SPTB: variants seen among roughly 807,000 people sequenced by gnomAD.
SPTB encodes spectrin beta chain, erythrocytic.
A neutral mutation model predicts 256.2 loss-of-function variants in SPTB; 45 were observed. The ratio of observed to expected loss-of-function variants is 0.18; its 90% CI spans 0.14 to 0.23. The LOEUF (loss-of-function observed/expected upper bound fraction) is 0.23, where lower values mean the gene tolerates loss of function less well. Ranked by LOEUF, SPTB falls within the 10% of genes least tolerant of loss-of-function variation. The pLI is 1.00. For synonymous variants in SPTB, 1,231 were observed against 1,243.1 expected (o/e 0.99, Z 0.21); for missense variants, 2,715 against 3,040.4 (o/e 0.89, Z 2.52).
At chr14:64,791,946 C>T in intron 14 of SPTB, 90 bp from the exon 15 acceptor site, 2 of 1,545,646 alleles carry the variant, frequency 1.3e-6, no homozygotes, top group South Asian at 1.2e-5. Flanking sequence ...GAACATGTAG[C>T]TCTTGCTTTC....
intron 1 of SPTB, among the ~76,000 whole-genome samples, chr14:64,876,175 TTTA>T (rs1882814996): frequency 6.6e-6 from 1 of 152,180 alleles, no homozygotes; most frequent in African/African-American, 2.4e-5. Flanking sequence ...ACAATCTCAC[TTTA>T]TTGTCCAGGC....
intron 1 of SPTB, among the ~76,000 whole-genome samples, chr14:64,876,337 G>T (rs1330810129): frequency 6.6e-6 from 1 of 151,996 alleles, no homozygotes; most frequent in Non-Finnish European, 1.5e-5. Context: ...AGATAGGTTT[G>T]GCCAGGCTGG....
intron 1 of SPTB, among the ~76,000 whole-genome samples, chr14:64,843,405 A>C (rs1393131887): frequency 6.6e-6 from 1 of 152,124 alleles, no homozygotes; most frequent in Non-Finnish European, 1.5e-5. Flanking sequence ...TCCCTCCATA[A>C]AAAGGGGAAA....
At chr14:64,769,517 CCA>C (rs2082245857) in intron 28 of SPTB, 71 bp downstream of exon 28, 3 of 1,593,250 alleles carry the variant, frequency 1.9e-6, no homozygotes, top group Non-Finnish European at 1.7e-6. Context: ...CATCTCCCTC[CCA>C]GGAGGCTGCC....
chr14:64,811,255 T>A (rs752618727), intron 2 of SPTB, among the ~76,000 whole-genome samples: 1 of 152,254 alleles, frequency 6.6e-6, no homozygotes, highest in Non-Finnish European at 1.5e-5. Flanking sequence ...AGACCAGTAA[T>A]GTGAACAAAG....
intron 2 of SPTB, among the ~76,000 whole-genome samples, chr14:64,811,065 A>G (rs2083079536): frequency 6.6e-6 from 1 of 152,160 alleles, no homozygotes; most frequent in Non-Finnish European, 1.5e-5. Context: ...GTGAGCTATG[A>G]TTGTGCCACC....
rs2082980277 is a variant in SPTB, at chr14:64,806,185, T to C, written c.149-1095A>G. On this transcript the variant is annotated intron_variant, in intron 2 of 35. Coordinates refer to ENST00000644917, the MANE Select transcript of SPTB (RefSeq NM_001355436.2). This position sits in a 1 kb window ranked among gnomAD's most constrained non-coding sequence, Gnocchi z 4.1. The stretch of plus-strand genomic sequence containing the variant: ...GGGGAGAAGGAGAAAAAAAGAAAAG[T>C]AGCAGAAAAGAAGAAAAACAAATAA... Among the ~76,000 whole-genome samples, 1 of 151,604 alleles carries C rather than the reference T, an allele frequency of 6.6e-6. No homozygotes were observed. The highest frequency in any genetic ancestry group is 1.5e-5 in the Non-Finnish European group (1 of 67,942).
chr14:64,849,347 G>C (rs1296611862), intron 1 of SPTB, among the ~76,000 whole-genome samples: 4 of 152,146 alleles, frequency 2.6e-5, no homozygotes, highest in Non-Finnish European at 4.4e-5. Flanking sequence ...ACGAGAGGTG[G>C]GTTAGCCCTG....
intron 31 of SPTB, 95 bp downstream of exon 31, chr14:64,767,208 T>C: frequency 6.6e-7 from 1 of 1,520,308 alleles, no homozygotes; most frequent in Non-Finnish European, 9.1e-7. Flanking sequence ...AGAAGTCAAA[T>C]GCAACTGGTC....
chr14:64,754,017 T>A (rs2081988553), intron 32 of SPTB: 1 of 647,678 alleles, frequency 1.5e-6, no homozygotes, highest in Admixed American at 2.3e-5. Flanking sequence ...CACCCCATTC[T>A]CCCTTCAGAG....
chr14:64,836,059 T>C (rs1443350279), intron 1 of SPTB, among the ~76,000 whole-genome samples: 1 of 152,200 alleles, frequency 6.6e-6, no homozygotes, highest in East Asian at 1.9e-4. Flanking sequence ...CAGTTGCCTT[T>C]GTGGTTAGGT....
intron 26 of SPTB, among the ~76,000 whole-genome samples, chr14:64,771,875 T>G (rs1042755974): frequency 6.6e-6 from 1 of 152,136 alleles, no homozygotes; most frequent in African/African-American, 2.4e-5. Context: ...AGGGCTGGCC[T>G]GGGATTGCGC....
Position 64,787,079 on chromosome 14 carries a change from A to G in SPTB, c.2886T>C (p.Asp962=). 4 of 1,613,172 alleles carry G rather than the reference A, an allele frequency of 2.5e-6. No individual in the cohort carries two copies. The South Asian group carries it at 3.3e-5, about 13-fold the overall frequency. The change falls in exon 16 of 36, where the codon GAT becomes GAC. Residue 962 remains aspartate, a synonymous_variant. Coordinates refer to ENST00000644917, the MANE Select transcript of SPTB (RefSeq NM_001355436.2). The part of the protein sequence containing the change: ...SALRVHNYCV[D]CEETSKWITD... ...TGATCCACTTGCTGGTCTCCTCGCA[A>G]TCTACGCAGTAGTTGTGCACTCGGA...
At chr14:64,871,692 A>G (rs1882541191) in intron 1 of SPTB, among the ~76,000 whole-genome samples, 1 of 152,234 alleles carries the variant, frequency 6.6e-6, no homozygotes, top group Non-Finnish European at 1.5e-5. Flanking sequence ...ATTCTTCTCA[A>G]AGCATACACA....
chr14:64,821,986 G>A (rs905847748), intron 2 of SPTB, among the ~76,000 whole-genome samples: 29 of 152,000 alleles, frequency 1.9e-4, no homozygotes, highest in African/African-American at 6.3e-4. Context: ...TTCAATTTGG[G>A]CCATAAGGTA....
intron 33 of SPTB, 99 bp from the exon 34 acceptor site, chr14:64,750,253 G>A: frequency 8.4e-7 from 1 of 1,197,036 alleles, no homozygotes; most frequent in Non-Finnish European, 1.2e-6. Flanking sequence ...CACCATGTTT[G>A]TTCTGATACA....
At chr14:64,805,188 T>C in intron 2 of SPTB, 98 bp from the exon 3 acceptor site, 1 of 1,402,840 alleles carries the variant, frequency 7.1e-7, no homozygotes, top group Non-Finnish European at 1.0e-6. Flanking sequence ...GGTACCCCCA[T>C]GCTTGGCAGA....
At chr14:64,875,677 T>C (rs1366610032) in intron 1 of SPTB, among the ~76,000 whole-genome samples, 1 of 152,234 alleles carries the variant, frequency 6.6e-6, no homozygotes. Flanking sequence ...CTACGATCTG[T>C]CTGTTAAAAT....
chr14:64,825,735 C>A lies in SPTB; in HGVS notation c.-51-2590G>T, dbSNP rs2083369539. Among the ~76,000 whole-genome samples the A allele has an allele frequency of 6.6e-6, 1 of 152,234 alleles. No homozygotes were observed. The highest frequency in any genetic ancestry group is 6.5e-5 in the Admixed American group (1 of 15,288). On this transcript the variant is annotated intron_variant, in intron 1 of 35. Transcript: ENST00000644917. The surrounding 1 kb of genome is among the most constrained non-coding windows in gnomAD (Gnocchi z 4.8). ...GGCTGGAGAGTGAGATTACCTTTGC[C>A]ATGGCTCCGTAAATAAGTCTGCCCC...
Sources: gnomAD v4.1 joint callset for allele counts (sites outside exome capture counted in the v4.1 genomes callset) on GRCh38, gnomAD v4.1.1 for gene constraint, Gnocchi (gnomAD v3.1) non-coding constraint, MANE v1.5 for transcripts, NCBI Gene and HGNC (gene_info 2026-07-23, HGNC 2026-07-21) for gene names.